Variants in ZNF699 observed in about 807,000 individuals in gnomAD.
ZNF699 encodes the protein hangover homolog.
ZNF699 carries 18 observed loss-of-function variants against 22.5 expected under a neutral mutation model. The ratio of observed to expected loss-of-function variants is 0.80; its 90% CI spans 0.55 to 1.19. ZNF699 has a LOEUF of 1.19. ZNF699 is among the 50% of genes most tolerant of loss of function. The pLI, the probability that ZNF699 is intolerant of heterozygous loss-of-function variation, is 0.00. For synonymous variants in ZNF699, 241 were observed against 262.3 expected, an observed-to-expected ratio of 0.92 and a Z score of 0.78; for missense variants, 670 against 763.4, an observed-to-expected ratio of 0.88 and a Z score of 1.44.
chr19:9,308,404 A>G (rs1468584049), intron 1 of ZNF699, among the ~76,000 whole-genome samples: 1 of 152,220 alleles, frequency 6.6e-6, no homozygotes, highest in African/African-American at 2.4e-5. Flanking sequence ...AATAAATATG[A>G]AGATGCACAG....
In ZNF699 at chr19:9,292,066, A is replaced by G. The variant is rs937550371; in HGVS notation, c.*3409T>C. 2.0e-5 allele frequency among the ~76,000 whole-genome samples: 3 copies of G among 152,172 alleles called. No individual in the cohort carries two copies. The highest frequency in any genetic ancestry group is 2.1e-4 in the South Asian group (1 of 4,834). ...TGACACCTGACCTTTCTAAAATGCT[A>G]TCTAGGAACTACCTAACCCTGGCTG... On this transcript the variant is annotated 3_prime_UTR_variant, in exon 6 of 6. Transcript: ENST00000591998.
chr19:9,296,220 TCCTTA>T lies in ZNF699; in HGVS notation c.1179_1183del (p.Cys393Ter). 2 of 1,614,120 alleles carry T rather than the reference TCCTTA, an allele frequency of 1.2e-6. No individual in the cohort carries two copies. The highest frequency in any genetic ancestry group is 1.7e-6 in the Non-Finnish European group (2 of 1,179,988). ...GGGACAATTGTAGGCTTTCCCACAT[TCCTTA>T]CATTTATAGGGTTTCTCTCCAGTAT... is the stretch of plus-strand genomic sequence containing the variant. On this transcript the variant is annotated stop_gained and frameshift_variant, in exon 6 of 6. Transcript: ENST00000591998. LOFTEE classifies it low-confidence loss of function (END_TRUNC).
intron 1 of ZNF699, among the ~76,000 whole-genome samples, chr19:9,306,652 ATAT>A (rs1304352928): frequency 3.9e-5 from 6 of 152,234 alleles, no homozygotes; most frequent in Non-Finnish European, 8.8e-5. Flanking sequence ...TGCAAATCAA[ATAT>A]TATTACAACC....
chr19:9,303,574 T>A (rs1249843519), intron 2 of ZNF699, among the ~76,000 whole-genome samples: 1 of 152,140 alleles, frequency 6.6e-6, no homozygotes, highest in Non-Finnish European at 1.5e-5. Flanking sequence ...CGTCCAGCTA[T>A]CCACGAGCTC....
chr19:9,296,934 CT>C lies in ZNF699; in HGVS notation c.471-2del, dbSNP rs1251965180. ...ATAGATGTTCTCTACCATATGATTT[CT>C]TTTAAAAATAAAAGACACATTATTA... On this transcript the variant is annotated splice_acceptor_variant, in intron 5 of 5. Transcript: ENST00000591998. LOFTEE classifies it high-confidence loss of function. 6.4e-7 allele frequency: 1 copy of C among 1,570,096 alleles called. No individual in the cohort carries two copies. Among genetic ancestry groups the C allele is most frequent in the Non-Finnish European group, 8.6e-7 (1 of 1,156,276 alleles).
Position 9,297,282 on chromosome 19 carries a change from C to T in ZNF699, c.470+14G>A, listed in dbSNP as rs376274203. ...CTCCTGAGGCACTTTCTCTTTCTCA[C>T]GAATGGCACTCACCTCAAATGTCTC... On this transcript the variant is annotated intron_variant, in intron 5 of 5. Coordinates refer to ENST00000591998, the MANE Select transcript of ZNF699 (RefSeq NM_198535.3). The surrounding 1 kb of genome is among the most constrained non-coding windows in gnomAD (Gnocchi z 4.3). 92 of 1,565,328 alleles carry T rather than the reference C, an allele frequency of 5.9e-5. No individual in the cohort carries two copies. Among genetic ancestry groups the T allele is most frequent in the Admixed American group, 2.1e-4 (9 of 43,566 alleles).
chr19:9,295,877 C>G lies in ZNF699; in HGVS notation c.1527G>C (p.Gly509=), dbSNP rs368811099. The change falls in exon 6 of 6, where the codon GGG becomes GGC. Residue 509 remains glycine, a synonymous_variant. Transcript: ENST00000591998. ...GEKPYECKEC[G]KAFISSSHLT... The stretch of plus-strand genomic sequence containing the variant: ...GGTGGGAGGAACTAATAAAGGCTTT[C>G]CCACATTCTTTACATTCATACGGCT... 3.3e-5 allele frequency: 53 copies of G among 1,613,716 alleles called. No individual in the cohort carries two copies. The highest frequency in any genetic ancestry group is 1.7e-4 in the Admixed American group (10 of 59,962).
chr19:9,300,229 C>T (rs539873084), intron 3 of ZNF699, among the ~76,000 whole-genome samples: 10 of 152,238 alleles, frequency 6.6e-5, no homozygotes, highest in African/African-American at 1.7e-4. Context: ...TACAGGTGCC[C>T]GCCAACACAC....
intron 3 of ZNF699, among the ~76,000 whole-genome samples, chr19:9,301,905 C>CTTT (rs199823792): frequency 1.4e-5 from 2 of 142,548 alleles, no homozygotes; most frequent in Admixed American, 7.1e-5. Context: ...TTTCTTTTTT[C>CTTT]TTTTTTTTTT....
chr19:9,307,877 G>T (rs555509556), intron 1 of ZNF699, among the ~76,000 whole-genome samples: 1 of 151,462 alleles, frequency 6.6e-6, no homozygotes. Context: ...AACCCAGGAG[G>T]CAGAGGTTGC....
intron 3 of ZNF699, among the ~76,000 whole-genome samples, chr19:9,298,401 G>A (rs1020235287): frequency 1.3e-5 from 2 of 148,336 alleles, no homozygotes; most frequent in East Asian, 2.0e-4. Context: ...AGCTGAGATC[G>A]TGCCACTGCA....
rs2066276066 is a variant in ZNF699, at chr19:9,294,078, T to C, written c.*1397A>G. On this transcript the variant is annotated 3_prime_UTR_variant, in exon 6 of 6. Coordinates refer to ENST00000591998, the MANE Select transcript of ZNF699 (RefSeq NM_198535.3). ...TCTCCACAGCTCTTGCTTTTGAGAC[T>C]TGCGAACGTATTTTTCCCCATGAAT... is the stretch of plus-strand genomic sequence containing the variant. Among the ~76,000 whole-genome samples, 1 of 152,178 alleles carries C rather than the reference T, an allele frequency of 6.6e-6. No homozygotes were observed. Among genetic ancestry groups the C allele is most frequent in the African/African-American group, 2.4e-5 (1 of 41,436 alleles).
Position 9,294,975 on chromosome 19 carries a change from A to T in ZNF699, c.*500T>A, listed in dbSNP as rs1202074280. ...AATATTATATTGGTTTGTCAATATT[A>T]TAACGACTACCCATTTAAAGAACAA... is the stretch of plus-strand genomic sequence containing the variant. On this transcript the variant is annotated 3_prime_UTR_variant, in exon 6 of 6. Transcript: ENST00000591998. The T allele has an allele frequency of 6.5e-6, 1 of 153,590 alleles. No individual in the cohort carries two copies. The highest frequency in any genetic ancestry group is 6.5e-5 in the Admixed American group (1 of 15,404). 9.5% of individuals were successfully genotyped at this position (153,590 alleles called of 1,614,324 possible).
At chr19:9,303,964 C>T (rs1313619065) in intron 2 of ZNF699, among the ~76,000 whole-genome samples, 1 of 151,836 alleles carries the variant, frequency 6.6e-6, no homozygotes, top group African/African-American at 2.4e-5. Flanking sequence ...ATTACAGGCA[C>T]GTGCTACCAT....
At position 9,296,933 on chromosome 19, in the gene ZNF699, T is replaced by C; in HGVS notation, c.471A>G (p.Arg157=). The C allele has an allele frequency of 6.4e-7, 1 of 1,572,584 alleles. No homozygotes were observed. The highest frequency in any genetic ancestry group is 8.6e-7 in the Non-Finnish European group (1 of 1,157,454). Residue 157 remains arginine (R), a splice_region_variant and synonymous_variant, in exon 6 of 6, where the codon AGA becomes AGG. Transcript: ENST00000591998. ...YQNKSHERHL[R]NHMVENIYEC... ...CATAGATGTTCTCTACCATATGATT[T>C]CTTTTAAAAATAAAAGACACATTAT...
rs748599521 is a variant in ZNF699 at position 9,295,597 on chromosome 19, G to A, written c.1807C>T (p.Arg603Ter). The change falls in exon 6 of 6, where the codon CGA (arginine) becomes TGA (stop). Residue 603 changes from arginine (R) to a stop codon, truncating the protein, a stop_gained. Transcript: ENST00000591998. LOFTEE classifies it low-confidence loss of function (END_TRUNC). ...CCAGTGTGGCTTCTCACATGCCTTC[G>A]AAAGGATGAGGGACAACTGAAAGCT... ...GKAFSCPSSF[R>*]RHVRSHTGEK... is the part of the protein sequence containing the mutation. 3.0e-5 allele frequency: 48 copies of A among 1,589,186 alleles called. No individual in the cohort carries two copies. The highest frequency in any genetic ancestry group is 1.1e-4 in the East Asian group (5 of 43,504).
At chr19:9,306,073 C>T (rs16995371) in intron 1 of ZNF699, among the ~76,000 whole-genome samples, 7,317 of 151,520 alleles carry the variant, frequency 0.048, 517 homozygotes, top group African/African-American at 0.16. Flanking sequence ...CATGCTAAAT[C>T]TGCCTGCACA....
At chr19:9,301,547 G>A (rs901333919) in intron 3 of ZNF699, among the ~76,000 whole-genome samples, 2 of 152,154 alleles carry the variant, frequency 1.3e-5, no homozygotes, top group Non-Finnish European at 2.9e-5. Flanking sequence ...GAAGGTCTAG[G>A]AAACTAATAC....
At chr19:9,300,478 A>G (rs1365110911) in intron 3 of ZNF699, among the ~76,000 whole-genome samples, 1 of 152,172 alleles carries the variant, frequency 6.6e-6, no homozygotes, top group African/African-American at 2.4e-5. Flanking sequence ...AGTCCACATA[A>G]AAACCTGCAC....
Sources: allele counts gnomAD v4.1 joint callset (sites outside exome capture counted in the v4.1 genomes callset), GRCh38; gene constraint gnomAD v4.1.1; non-coding constraint Gnocchi (gnomAD v3.1); transcripts MANE v1.5; gene names NCBI Gene and HGNC (gene_info 2026-07-23, HGNC 2026-07-21).